The following CADPS2 variants were observed in gnomAD, a reference collection of about 807,000 sequenced individuals.
The protein encoded by CADPS2 is calcium-dependent secretion activator 2.
A neutral mutation model predicts 172.5 loss-of-function variants in CADPS2; 93 were observed. The observed-to-expected ratio is 0.54, with a 90% confidence interval of 0.46 to 0.64. The LOEUF is 0.64. Among genes scored for constraint, CADPS2 ranks in the 30% least tolerant of loss-of-function variants. The pLI is 0.00. For synonymous variants in CADPS2, 546 were observed against 555.2 expected, an observed-to-expected ratio of 0.98 and a Z score of 0.23; for missense variants, 1,420 against 1,565.9, an observed-to-expected ratio of 0.91 and a Z score of 1.57.
rs1489680755 is a variant in CADPS2, at chr7:122,455,351, A to G, written c.2187-3876T>C. ...GTGAGGTTATCTCCAACCATCCTAC[A>G]TGAAAGTGTATTTCCCATTCCCATA... On this transcript the variant is annotated intron_variant, in intron 14 of 29. Coordinates refer to ENST00000449022, the MANE Select transcript of CADPS2 (RefSeq NM_017954.11). Among the ~76,000 whole-genome samples, 3 of 152,146 alleles carry G rather than the reference A, an allele frequency of 2.0e-5. No homozygotes were observed. The East Asian group carries it at 5.8e-4, about 29-fold the overall frequency.
intron 6 of CADPS2, among the ~76,000 whole-genome samples, chr7:122,598,327 A>G (rs1203868191): frequency 6.6e-6 from 1 of 152,072 alleles, no homozygotes; most frequent in Non-Finnish European, 1.5e-5. Context: ...GAGTATTATA[A>G]TAGCTTTAGA....
intron 3 of CADPS2, among the ~76,000 whole-genome samples, chr7:122,636,462 G>GTTTTTTTTTTTTTTTTTTTTTTTTTTT (rs66587423): frequency 1.0e-5 from 1 of 100,188 alleles, no homozygotes; most frequent in African/African-American, 4.1e-5. Context: ...CACAAGAGAT[G>GTTTTTTTTTTTTTTTTTTTTTTTTTTT]TTTTTTTTTT....
chr7:122,542,359 C>A (rs560867428), intron 8 of CADPS2, among the ~76,000 whole-genome samples: 61 of 152,208 alleles, frequency 4.0e-4, no homozygotes, highest in Non-Finnish European at 7.6e-4. Flanking sequence ...ACACACCTAA[C>A]ACTCTCGTTC....
At chr7:122,490,006 G>T in intron 11 of CADPS2, 75 bp downstream of exon 11, 2 of 1,241,232 alleles carry the variant, frequency 1.6e-6, no homozygotes, top group South Asian at 1.3e-5. Flanking sequence ...CTATAATACT[G>T]AATACATTTG....
At chr7:122,718,965 T>A (rs944766804) in intron 2 of CADPS2, among the ~76,000 whole-genome samples, 7 of 152,164 alleles carry the variant, frequency 4.6e-5, no homozygotes, top group Non-Finnish European at 1.0e-4. Flanking sequence ...TGCCACCTAC[T>A]GTTTTGATAA....
At chr7:122,731,843 C>T (rs1449498473) in intron 2 of CADPS2, among the ~76,000 whole-genome samples, 1 of 151,674 alleles carries the variant, frequency 6.6e-6, no homozygotes, top group Non-Finnish European at 1.5e-5. Flanking sequence ...CCTCTACCAT[C>T]ATGTCTGCCA....
intron 28 of CADPS2, among the ~76,000 whole-genome samples, chr7:122,334,286 C>T (rs1364674433): frequency 6.6e-6 from 1 of 152,154 alleles, no homozygotes; most frequent in East Asian, 1.9e-4. Flanking sequence ...GAGGCTGTCC[C>T]CCAAGCAGGG....
chr7:122,750,821 T>C (rs563060150), intron 1 of CADPS2, among the ~76,000 whole-genome samples: 2 of 152,258 alleles, frequency 1.3e-5, no homozygotes, highest in East Asian at 1.9e-4. Context: ...CCTGGAAAGC[T>C]GTATAGTTTT....
chr7:122,364,413 TAAAAA>T (rs916412439), intron 25 of CADPS2, among the ~76,000 whole-genome samples: 2 of 77,900 alleles, frequency 2.6e-5, no homozygotes, highest in Non-Finnish European at 4.7e-5. Flanking sequence ...TGTCTCAAGT[TAAAAA>T]AAAAAAAAAA....
chr7:122,755,125 T>G (rs2093105018), intron 1 of CADPS2, among the ~76,000 whole-genome samples: 1 of 152,204 alleles, frequency 6.6e-6, no homozygotes, highest in Non-Finnish European at 1.5e-5. Context: ...TACTGAGCAG[T>G]ATGATGACAA....
At chr7:122,604,946 C>G (rs1324474231) in intron 6 of CADPS2, among the ~76,000 whole-genome samples, 1 of 152,036 alleles carries the variant, frequency 6.6e-6, no homozygotes, top group African/African-American at 2.4e-5. Flanking sequence ...TGTACTTATA[C>G]AAACCTAGGC....
chr7:122,548,155 T>C (rs2063815966), intron 8 of CADPS2, among the ~76,000 whole-genome samples: 1 of 151,824 alleles, frequency 6.6e-6, no homozygotes, highest in African/African-American at 2.4e-5. Flanking sequence ...ATCACCTGAG[T>C]CCAGGAGTTC....
chr7:122,517,760 G>C (rs1009448476), intron 8 of CADPS2, among the ~76,000 whole-genome samples: 1 of 151,918 alleles, frequency 6.6e-6, no homozygotes, highest in Admixed American at 6.6e-5. Context: ...TTGGAATTTA[G>C]AGTAGTCTAA....
chr7:122,595,010 T>C (rs1261686120), intron 6 of CADPS2, among the ~76,000 whole-genome samples: 1 of 151,958 alleles, frequency 6.6e-6, no homozygotes, highest in Non-Finnish European at 1.5e-5. Context: ...ACAACTATAC[T>C]GTATACACCA....
At chr7:122,474,346 C>T (rs761088065) in intron 13 of CADPS2, 35 bp downstream of exon 13, 7 of 1,584,070 alleles carry the variant, frequency 4.4e-6, no homozygotes, top group Non-Finnish European at 6.0e-6. Context: ...ATCTTTTATT[C>T]CAACTTATAG....
At chr7:122,816,258 A>G (rs1584573816) in intron 1 of CADPS2, among the ~76,000 whole-genome samples, 3 of 92,468 alleles carry the variant, frequency 3.2e-5, no homozygotes, top group South Asian at 6.9e-4. Context: ...TATTTTTTAG[A>G]TTTTTTTAGC....
At chr7:122,334,785 A>T (rs187699680) in intron 28 of CADPS2, among the ~76,000 whole-genome samples, 577 of 151,738 alleles carry the variant, frequency 3.8e-3, no homozygotes, top group African/African-American at 0.013. Context: ...ACTTCCATTT[A>T]AAAAAAAATC....
chr7:122,861,555 A>C lies in CADPS2; in HGVS notation c.339+24444T>G, dbSNP rs539665426. ...CTCTCATTCTGTAAGTCTTCTCTTCACTCTGTTGTTTCCTTTGCTGTGCAG... is the reference window on the plus strand; with the variant it reads ...CTCTCATTCTGTAAGTCTTCTCTTCCCTCTGTTGTTTCCTTTGCTGTGCAG... On this transcript the variant is annotated intron_variant, in intron 1 of 29. Transcript: ENST00000449022. Among the ~76,000 whole-genome samples, 15 of 152,166 alleles carry C rather than the reference A, an allele frequency of 9.9e-5. No homozygotes were observed. The East Asian group carries it at 2.7e-3, about 27-fold the overall frequency.
At chr7:122,505,355 T>C (rs2059534863) in intron 9 of CADPS2, among the ~76,000 whole-genome samples, 1 of 152,138 alleles carries the variant, frequency 6.6e-6, no homozygotes, top group Admixed American at 6.6e-5. Flanking sequence ...AATGAGACAA[T>C]TATTTTTTAA....
Sources: gnomAD v4.1 joint callset for allele counts (sites outside exome capture counted in the v4.1 genomes callset) on GRCh38, gnomAD v4.1.1 for gene constraint, MANE v1.5 for transcripts, NCBI Gene and HGNC (gene_info 2026-07-23, HGNC 2026-07-21) for gene names.